CACNA1E: variants seen among roughly 807,000 people sequenced by gnomAD.
The protein encoded by CACNA1E is voltage-dependent R-type calcium channel subunit alpha-1E.
In CACNA1E, 40 loss-of-function variants were observed where a neutral mutation model predicts 259.2. The ratio of observed to expected loss-of-function variants is 0.15; its 90% CI spans 0.12 to 0.20. The LOEUF is 0.20. Among genes scored for constraint, CACNA1E ranks in the 10% least tolerant of loss-of-function variants. The pLI is 1.00. For synonymous variants in CACNA1E, 1,104 were observed against 1,138.5 expected (o/e 0.97, Z 0.61); for missense variants, 1,874 against 3,040.1 (o/e 0.62, Z 9.02).
At chr1:181,589,734 T>G (rs895418591) in intron 6 of CACNA1E, among the ~76,000 whole-genome samples, 1 of 151,846 alleles carries the variant, frequency 6.6e-6, no homozygotes, top group Non-Finnish European at 1.5e-5. Context: ...AAAAAGAAAA[T>G]AAAATAAAGT....
At chr1:181,378,804 A>T (rs1392603746) in intron 1 of CACNA1E, among the ~76,000 whole-genome samples, 1 of 152,226 alleles carries the variant, frequency 6.6e-6, no homozygotes, top group Admixed American at 6.5e-5. Context: ...CTATGTCTAG[A>T]GCAAACATCA....
At chr1:181,569,868 G>C (rs938333117) in intron 3 of CACNA1E, among the ~76,000 whole-genome samples, 1 of 152,216 alleles carries the variant, frequency 6.6e-6, no homozygotes, top group African/African-American at 2.4e-5. Flanking sequence ...TTTGAACTGA[G>C]TTACGAGGAT....
At chr1:181,748,009 CT>C (rs929701541) in intron 25 of CACNA1E, among the ~76,000 whole-genome samples, 48 of 152,338 alleles carry the variant, frequency 3.2e-4, no homozygotes, top group African/African-American at 1.1e-3. Flanking sequence ...AATCTTGCCC[CT>C]GTTAACAAAA....
At chr1:181,498,069 C>G (rs80046889) in intron 1 of CACNA1E, among the ~76,000 whole-genome samples, 1 of 152,140 alleles carries the variant, frequency 6.6e-6, no homozygotes, top group African/African-American at 2.4e-5. Context: ...CATGGAAAGT[C>G]CATTTTCTTT....
rs1662549728 is a variant in CACNA1E, at chr1:181,805,202, G to A, written c.*6368G>A. On this transcript the variant is annotated 3_prime_UTR_variant, in exon 48 of 48. Coordinates refer to ENST00000367573, the MANE Select transcript of CACNA1E (RefSeq NM_001205293.3). ...CCACTTCCTCTTCACTTCACTCAGAGGATGGCCCCAAAACTGAAAAGGAAA... is the reference window on the plus strand; with the variant it reads ...CCACTTCCTCTTCACTTCACTCAGAAGATGGCCCCAAAACTGAAAAGGAAA... The A allele has an allele frequency of 6.6e-6, 1 of 152,080 alleles. No homozygotes were observed. The highest frequency in any genetic ancestry group is 2.1e-4 in the South Asian group (1 of 4,836). The allele number at this position is 152,080 out of a possible 1,614,324, so 9.4% of individuals were successfully genotyped here.
chr1:181,470,395 A>G (rs916153764), intron 2 of CACNA1E, among the ~76,000 whole-genome samples: 4 of 151,944 alleles, frequency 2.6e-5, no homozygotes, highest in African/African-American at 9.7e-5. Flanking sequence ...CAGATTCTCT[A>G]TGTTCTCTAT....
chr1:181,791,952 A>G (rs1661354509), intron 44 of CACNA1E, among the ~76,000 whole-genome samples: 1 of 152,208 alleles, frequency 6.6e-6, no homozygotes, highest in Non-Finnish European at 1.5e-5. Context: ...GTGCTGAGAC[A>G]GAGAATCGTG....
intron 30 of CACNA1E, among the ~76,000 whole-genome samples, chr1:181,757,701 G>A (rs1357457754): frequency 6.6e-6 from 1 of 152,186 alleles, no homozygotes; most frequent in Non-Finnish European, 1.5e-5. Context: ...GCCACATGCT[G>A]TGTAAAGGAC....
At chr1:181,380,090 T>C (rs1655360278) in intron 1 of CACNA1E, among the ~76,000 whole-genome samples, 1 of 149,988 alleles carries the variant, frequency 6.7e-6, no homozygotes, top group East Asian at 1.9e-4. Flanking sequence ...CAAAGAGTTG[T>C]AGGTAATAAG....
chr1:181,543,963 C>T (rs1668785812), intron 3 of CACNA1E, among the ~76,000 whole-genome samples: 1 of 152,208 alleles, frequency 6.6e-6, no homozygotes, highest in African/African-American at 2.4e-5. Context: ...CCAGCTATTT[C>T]ACCTCTAGAA....
intron 21 of CACNA1E, among the ~76,000 whole-genome samples, chr1:181,734,596 TC>T (rs1655853202): frequency 7.2e-6 from 1 of 138,024 alleles, no homozygotes; most frequent in Non-Finnish European, 1.6e-5. Context: ...CTACACCCTA[TC>T]CTTGCCCTGA....
chr1:181,711,183 C>A, intron 8 of CACNA1E, 114 bp downstream of exon 8: 1 of 716,042 alleles, frequency 1.4e-6, no homozygotes, highest in Admixed American at 2.4e-5. Flanking sequence ...AAGAGAGACA[C>A]TCTGGATGCT....
chr1:181,750,360 G>C, intron 25 of CACNA1E, 116 bp from the exon 26 acceptor site: 1 of 832,206 alleles, frequency 1.2e-6, no homozygotes, highest in Non-Finnish European at 2.0e-6. Flanking sequence ...TATCATTGTA[G>C]GGTTCTCTTT....
chr1:181,705,316 G>T (rs1041260229), intron 7 of CACNA1E, among the ~76,000 whole-genome samples: 1 of 152,184 alleles, frequency 6.6e-6, no homozygotes, highest in East Asian at 1.9e-4. Flanking sequence ...TCATCTTAAT[G>T]ATTAATTATA....
intron 1 of CACNA1E, among the ~76,000 whole-genome samples, chr1:181,505,529 G>A (rs1558064370): frequency 2.0e-5 from 3 of 152,142 alleles, no homozygotes; most frequent in Non-Finnish European, 4.4e-5. Context: ...GTGCCACCAT[G>A]CCTGGCTAAC....
chr1:181,344,339 C>T (rs989080180), intron 1 of CACNA1E, among the ~76,000 whole-genome samples: 31 of 152,226 alleles, frequency 2.0e-4, no homozygotes, highest in African/African-American at 7.5e-4. Context: ...TCTCTCCACC[C>T]AAAACATGCT....
intron 3 of CACNA1E, among the ~76,000 whole-genome samples, chr1:181,523,325 A>C (rs1243772165): frequency 6.6e-6 from 1 of 152,216 alleles, no homozygotes; most frequent in Non-Finnish European, 1.5e-5. Flanking sequence ...TTCCTGAATA[A>C]AGTTTCCCTC....
At chr1:181,392,331 T>C (rs1656358683) in intron 1 of CACNA1E, among the ~76,000 whole-genome samples, 1 of 152,188 alleles carries the variant, frequency 6.6e-6, no homozygotes, top group Non-Finnish European at 1.5e-5. Flanking sequence ...CAAGAATGGT[T>C]CAAACCTCAC....
intron 3 of CACNA1E, among the ~76,000 whole-genome samples, chr1:181,526,704 GGCATGA>G (rs1402855889): frequency 6.6e-6 from 1 of 152,152 alleles, no homozygotes. Flanking sequence ...CAAAGGCTCT[GGCATGA>G]CATAGTTCTG....
Sources: allele counts gnomAD v4.1 joint callset (sites outside exome capture counted in the v4.1 genomes callset), GRCh38; gene constraint gnomAD v4.1.1; transcripts MANE v1.5; gene names NCBI Gene and HGNC (gene_info 2026-07-23, HGNC 2026-07-21).